SLC29A3: variants seen among roughly 807,000 people sequenced by gnomAD.
SLC29A3 encodes the protein equilibrative nucleoside transporter 3.
Under a neutral mutation model 25.4 loss-of-function variants are expected in SLC29A3, and 18 were observed. That is an observed-to-expected ratio of 0.71 (90% CI 0.49 to 1.05). The LOEUF is 1.05. Among genes scored for constraint, SLC29A3 ranks in the 50% least tolerant of loss-of-function variants. The pLI is 0.00. For synonymous variants in SLC29A3, 258 were observed against 267.1 expected (o/e 0.97, Z 0.33); for missense variants, 586 against 609.0 (o/e 0.96, Z 0.40).
At chr10:71,363,439 G>C (rs1243713084), downstream of SLC29A3, 1 of 410,672 alleles carries the variant, frequency 2.4e-6, no homozygotes. Context: ...GGCACACTCA[G>C]ATTAGGCAAT....
At chr10:71,343,477 C>T (rs1192883327) in intron 2 of SLC29A3, among the ~76,000 whole-genome samples, 2 of 152,164 alleles carry the variant, frequency 1.3e-5, no homozygotes, top group Non-Finnish European at 2.9e-5. Context: ...CCAGAAAATG[C>T]CCTTTTTCCT....
intron 2 of SLC29A3, among the ~76,000 whole-genome samples, chr10:71,337,340 G>T (rs558846081): frequency 1.3e-5 from 2 of 152,344 alleles, no homozygotes; most frequent in Non-Finnish European, 2.9e-5. Flanking sequence ...TGATGCCCAG[G>T]GCAAGGGCAC....
chr10:71,335,367 G>A (rs966201458), intron 2 of SLC29A3, among the ~76,000 whole-genome samples: 2 of 152,200 alleles, frequency 1.3e-5, no homozygotes, highest in African/African-American at 4.8e-5. Flanking sequence ...AAGGTTTCCG[G>A]CAAAGGAGCC....
chr10:71,336,063 G>C (rs1283704198), intron 2 of SLC29A3, among the ~76,000 whole-genome samples: 3 of 152,178 alleles, frequency 2.0e-5, no homozygotes, highest in African/African-American at 7.2e-5. Flanking sequence ...CCACAAACTG[G>C]GTAGCTGAAA....
At chr10:71,329,983 A>G (rs907584661) in intron 2 of SLC29A3, among the ~76,000 whole-genome samples, 6 of 152,164 alleles carry the variant, frequency 3.9e-5, no homozygotes, top group African/African-American at 1.2e-4. Context: ...GGCCTAGTCT[A>G]CCTCGAGTGT....
downstream of SLC29A3, chr10:71,364,904 G>A (rs1305447396): frequency 6.6e-6 from 1 of 152,234 alleles, no homozygotes; most frequent in Non-Finnish European, 1.5e-5. Context: ...GGTCTAGCTG[G>A]TGACTCATCT....
intron 2 of SLC29A3, among the ~76,000 whole-genome samples, chr10:71,325,009 C>T (rs767514476): frequency 2.3e-4 from 35 of 152,092 alleles, no homozygotes; most frequent in Non-Finnish European, 4.4e-4. Flanking sequence ...CTTGAGAGCA[C>T]GGGGAGGCAA....
intron 5 of SLC29A3, among the ~76,000 whole-genome samples, chr10:71,361,619 T>C (rs1032419397): frequency 1.3e-4 from 20 of 152,240 alleles, no homozygotes; most frequent in African/African-American, 4.6e-4. Context: ...TCTGCATTTT[T>C]AATACTATTT....
chr10:71,345,514 G>A (rs926058438), intron 3 of SLC29A3, among the ~76,000 whole-genome samples: 1 of 152,228 alleles, frequency 6.6e-6, no homozygotes, highest in Non-Finnish European at 1.5e-5. Context: ...ACTGGTTTGG[G>A]CAGTCACAAA....
chr10:71,346,339 T>A (rs1380900654), intron 3 of SLC29A3, among the ~76,000 whole-genome samples: 2 of 152,182 alleles, frequency 1.3e-5, no homozygotes, highest in Non-Finnish European at 2.9e-5. Context: ...GAAACTGCTG[T>A]GACCCTGGTT....
intron 5 of SLC29A3, among the ~76,000 whole-genome samples, chr10:71,359,880 T>C (rs1847010378): frequency 6.6e-6 from 1 of 152,218 alleles, no homozygotes; most frequent in Non-Finnish European, 1.5e-5. Flanking sequence ...GGTTTTCAGA[T>C]ACCTGGGACC....
At chr10:71,324,132 G>A (rs563353446) in intron 2 of SLC29A3, among the ~76,000 whole-genome samples, 1 of 152,308 alleles carries the variant, frequency 6.6e-6, no homozygotes, top group South Asian at 2.1e-4. Context: ...CTCTGAAGAG[G>A]AGATGGGGAT....
chr10:71,368,398 G>T (rs920863070), intron 3 of SLC29A3, among the ~76,000 whole-genome samples: 2 of 152,204 alleles, frequency 1.3e-5, no homozygotes, highest in African/African-American at 4.8e-5. Context: ...AATGCCAGCT[G>T]CTTCCCTATG....
intron 3 of SLC29A3, among the ~76,000 whole-genome samples, chr10:71,350,487 G>T (rs1356611257): frequency 6.6e-6 from 1 of 152,146 alleles, no homozygotes; most frequent in African/African-American, 2.4e-5. Flanking sequence ...AGTCTAATCT[G>T]ATGATTTAAG....
intron 2 of SLC29A3, among the ~76,000 whole-genome samples, chr10:71,333,453 C>T (rs888129547): frequency 6.6e-6 from 1 of 152,248 alleles, no homozygotes; most frequent in Non-Finnish European, 1.5e-5. Context: ...CTTCCCAAGG[C>T]GGGAGCAGTC....
chr10:71,374,382 G>T (rs959597723), intron 3 of SLC29A3, among the ~76,000 whole-genome samples: 1 of 152,190 alleles, frequency 6.6e-6, no homozygotes, highest in African/African-American at 2.4e-5. Flanking sequence ...GGTCCTCTCT[G>T]GTCAATGGCT....
In SLC29A3 at chr10:71,362,653, G is replaced by A. The variant is rs1589245019; in HGVS notation, c.*45G>A. On this transcript the variant is annotated 3_prime_UTR_variant, in exon 6 of 6. Transcript: ENST00000373189. ...TTGGTGCTTCAGAGCCTTTGAAGAT[G>A]AGAAGAGAGTGCAGGAGGGCTGGGG... The A allele has an allele frequency of 6.2e-7, 1 of 1,612,546 alleles. No homozygotes were observed. The highest frequency in any genetic ancestry group is 1.7e-4 in the Middle Eastern group (1 of 6,052).
chr10:71,360,386 G>A (rs896620460), intron 5 of SLC29A3, among the ~76,000 whole-genome samples: 6 of 151,942 alleles, frequency 3.9e-5, no homozygotes, highest in East Asian at 1.9e-4. Flanking sequence ...CAAGTGACCC[G>A]CCCGCCTTGG....
At chr10:71,336,792 G>A (rs944329840) in intron 2 of SLC29A3, among the ~76,000 whole-genome samples, 22 of 152,124 alleles carry the variant, frequency 1.4e-4, no homozygotes, top group African/African-American at 5.1e-4. Context: ...GGAGGAAGGC[G>A]GGGAAGCTCA....
Sources: allele counts gnomAD v4.1 joint callset (sites outside exome capture counted in the v4.1 genomes callset), GRCh38; gene constraint gnomAD v4.1.1; transcripts MANE v1.5; gene names NCBI Gene and HGNC (gene_info 2026-07-23, HGNC 2026-07-21).